NCALD: variants seen among roughly 807,000 people sequenced by gnomAD.
NCALD encodes the protein neurocalcin-delta.
A neutral mutation model predicts 18.6 loss-of-function variants in NCALD; 10 were observed. The ratio of observed to expected loss-of-function variants is 0.54; its 90% confidence interval spans 0.33 to 0.91. NCALD has a LOEUF of 0.91. Ranked by LOEUF, NCALD falls within the 40% of genes least tolerant of loss-of-function variation. The pLI is 0.03. For missense variants in NCALD, 184 were observed against 247.6 expected (o/e 0.74, Z 1.72); for synonymous variants, 88 against 87.4 (o/e 1.01, Z -0.04).
At chr8:102,075,728 A>G (rs7831372) in intron 1 of NCALD, among the ~76,000 whole-genome samples, 56,209 of 151,980 alleles carry the variant, frequency 0.37, 11,953 homozygotes, top group African/African-American at 0.58. Flanking sequence ...GCCAAGGCAG[A>G]TGGATTACAA....
chr8:102,005,908 A>T (rs1006371687), intron 2 of NCALD, among the ~76,000 whole-genome samples: 3 of 151,848 alleles, frequency 2.0e-5, no homozygotes, highest in Non-Finnish European at 4.4e-5. Flanking sequence ...GAGGGATAGC[A>T]TTAGGAGATA....
chr8:102,039,801 A>C (rs1822987462), intron 1 of NCALD, among the ~76,000 whole-genome samples: 1 of 151,986 alleles, frequency 6.6e-6, no homozygotes, highest in Admixed American at 6.6e-5. Context: ...TTAATAGATT[A>C]ATGCTCCCCC....
intron 2 of NCALD, among the ~76,000 whole-genome samples, chr8:101,973,084 G>A (rs1419254537): frequency 6.6e-6 from 1 of 152,102 alleles, no homozygotes; most frequent in Non-Finnish European, 1.5e-5. Context: ...TGGGGCAGGA[G>A]GCCAGGGCCA....
intron 1 of NCALD, among the ~76,000 whole-genome samples, chr8:102,025,818 A>G (rs1015982092): frequency 1.3e-5 from 2 of 152,194 alleles, no homozygotes. Flanking sequence ...ACAGCAGTGT[A>G]TTAGTCCATT....
chr8:101,938,729 A>G (rs1818851331), intron 2 of NCALD, among the ~76,000 whole-genome samples: 1 of 152,208 alleles, frequency 6.6e-6, no homozygotes, highest in Admixed American at 6.5e-5. Context: ...TTTAATAATG[A>G]TAATTACCTA....
At chr8:101,880,128 C>T (rs2131453648) in intron 4 of NCALD, among the ~76,000 whole-genome samples, 1 of 152,276 alleles carries the variant, frequency 6.6e-6, no homozygotes, top group Middle Eastern at 3.4e-3. Flanking sequence ...GGCTGCAGGT[C>T]CCGAGCCCTG....
At chr8:101,869,991 A>C (rs1482338738) in intron 4 of NCALD, among the ~76,000 whole-genome samples, 1 of 152,206 alleles carries the variant, frequency 6.6e-6, no homozygotes, top group Admixed American at 6.5e-5. Flanking sequence ...AAATACTTAC[A>C]TGTGTTTTCT....
At chr8:102,011,316 CCCTGGATCAAT>C (rs1471563691) in intron 2 of NCALD, among the ~76,000 whole-genome samples, 1 of 152,302 alleles carries the variant, frequency 6.6e-6, no homozygotes, top group East Asian at 1.9e-4. Flanking sequence ...ATCTTTTCAA[CCCTGGATCAAT>C]CCTGCATTCT....
At chr8:101,739,070 T>C (rs1015641649) in intron 1 of NCALD, among the ~76,000 whole-genome samples, 3 of 152,056 alleles carry the variant, frequency 2.0e-5, no homozygotes, top group Admixed American at 2.0e-4. Flanking sequence ...GGCTTGAATG[T>C]CTCCATCCCC....
intron 4 of NCALD, among the ~76,000 whole-genome samples, chr8:101,848,191 T>A (rs1342288549): frequency 6.6e-6 from 1 of 152,102 alleles, no homozygotes; most frequent in Non-Finnish European, 1.5e-5. Flanking sequence ...TCTGGTTCAA[T>A]AAGTTGTAGA....
At chr8:101,880,530 GAGTGAGGGC>G in intron 4 of NCALD, among the ~76,000 whole-genome samples, 1 of 152,348 alleles carries the variant, frequency 6.6e-6, no homozygotes, top group East Asian at 1.9e-4. Flanking sequence ...CGCTGAGAGT[GAGTGAGGGC>G]TGTGAGGGCT....
At chr8:101,794,166 G>T (rs7009385), upstream of NCALD, among the ~76,000 whole-genome samples, 97,506 of 152,136 alleles carry the variant, frequency 0.64, 33,349 homozygotes, top group Non-Finnish European at 0.76. Context: ...CAGGGTAGAT[G>T]GCTCAAGTGT....
chr8:101,726,024 T>A (rs115189259), intron 1 of NCALD, among the ~76,000 whole-genome samples: 1 of 151,952 alleles, frequency 6.6e-6, no homozygotes, highest in Non-Finnish European at 1.5e-5. Context: ...GCCATGGAGA[T>A]AACTGTAAGA....
intron 4 of NCALD, among the ~76,000 whole-genome samples, chr8:101,835,818 A>C (rs901701277): frequency 6.6e-6 from 1 of 152,130 alleles, no homozygotes; most frequent in Non-Finnish European, 1.5e-5. Flanking sequence ...CTACACCACC[A>C]AGGGGAGCAT....
intron 1 of NCALD, among the ~76,000 whole-genome samples, chr8:102,028,341 C>A (rs369191815): frequency 6.6e-6 from 1 of 152,178 alleles, no homozygotes; most frequent in Non-Finnish European, 1.5e-5. Flanking sequence ...TTTCTATCAA[C>A]TTTTCTGTAG....
chr8:101,908,513 C>T (rs1206631387), intron 3 of NCALD, among the ~76,000 whole-genome samples: 1 of 152,186 alleles, frequency 6.6e-6, no homozygotes, highest in Non-Finnish European at 1.5e-5. Flanking sequence ...TTCTTGCATG[C>T]AGTAAAAATA....
intron 2 of NCALD, among the ~76,000 whole-genome samples, chr8:102,003,884 T>C (rs1337812834): frequency 8.5e-5 from 13 of 152,224 alleles, no homozygotes; most frequent in Admixed American, 1.3e-4. Flanking sequence ...TATCTCAAAA[T>C]AATAAGAGCT....
At chr8:102,117,740 A>G (rs1825833834) in intron 1 of NCALD, among the ~76,000 whole-genome samples, 1 of 152,238 alleles carries the variant, frequency 6.6e-6, no homozygotes, top group Non-Finnish European at 1.5e-5. Context: ...TCAAGTATGA[A>G]ATATGCCTGC....
intron 2 of NCALD, chr8:101,693,511 T>C (rs898111730): frequency 1.3e-5 from 2 of 151,962 alleles, no homozygotes; most frequent in African/African-American, 4.8e-5. Context: ...CTGGGAATCT[T>C]GTTAAAATGC....
Sources: allele counts gnomAD v4.1 joint callset (sites outside exome capture counted in the v4.1 genomes callset), GRCh38; gene constraint gnomAD v4.1.1; transcripts MANE v1.5; gene names NCBI Gene and HGNC (gene_info 2026-07-23, HGNC 2026-07-21).